The following FER variants were observed in gnomAD, a reference collection of about 807,000 sequenced individuals.
FER encodes FER tyrosine kinase, also known as tyrosine-protein kinase Fer.
In FER, 63 loss-of-function variants were observed where a neutral mutation model predicts 111.0. The observed-to-expected ratio is 0.57, with a 90% confidence interval of 0.46 to 0.70. The LOEUF (loss-of-function observed/expected upper bound fraction) is 0.70, where lower values mean the gene tolerates loss of function less well. Among genes scored for constraint, FER ranks in the 30% least tolerant of loss-of-function variants. FER has a pLI of 0.00. For synonymous variants in FER, 327 were observed against 313.9 expected, an observed-to-expected ratio of 1.04 and a Z score of -0.44; for missense variants, 914 against 954.0, an observed-to-expected ratio of 0.96 and a Z score of 0.55.
chr5:109,135,996 C>G (rs1026776124), intron 17 of FER, among the ~76,000 whole-genome samples: 2 of 152,140 alleles, frequency 1.3e-5, no homozygotes, highest in Non-Finnish European at 1.5e-5. Context: ...TGGCTCATGC[C>G]TGTAATCCCA....
At chr5:108,804,114 A>G (rs546687705) in intron 3 of FER, among the ~76,000 whole-genome samples, 2 of 151,992 alleles carry the variant, frequency 1.3e-5, no homozygotes, top group Non-Finnish European at 2.9e-5. Flanking sequence ...ATGGCATTGC[A>G]TTCTTGATTT....
At chr5:109,002,018 A>C (rs1764843787) in intron 13 of FER, among the ~76,000 whole-genome samples, 1 of 152,022 alleles carries the variant, frequency 6.6e-6, no homozygotes, top group Admixed American at 6.6e-5. Flanking sequence ...GGGTAGGAAG[A>C]ATCAATATCG....
At chr5:108,986,949 G>A (rs1762639777) in intron 13 of FER, among the ~76,000 whole-genome samples, 1 of 150,734 alleles carries the variant, frequency 6.6e-6, no homozygotes, top group Non-Finnish European at 1.5e-5. Flanking sequence ...TTCCATGTGA[G>A]TTTTAGGATT....
At chr5:108,899,613 A>C (rs1749707692) in intron 10 of FER, among the ~76,000 whole-genome samples, 1 of 151,726 alleles carries the variant, frequency 6.6e-6, no homozygotes, top group African/African-American at 2.4e-5. Flanking sequence ...CCTGGCCAAC[A>C]TGGTGAAACC....
chr5:109,065,609 A>G (rs1774996960), intron 16 of FER, among the ~76,000 whole-genome samples: 2 of 152,272 alleles, frequency 1.3e-5, no homozygotes, highest in East Asian at 3.9e-4. Flanking sequence ...TAATCCTAGC[A>G]CTTTGGGAGC....
chr5:109,054,157 G>A (rs1447798817), intron 16 of FER, among the ~76,000 whole-genome samples: 1 of 152,072 alleles, frequency 6.6e-6, no homozygotes, highest in African/African-American at 2.4e-5. Context: ...GCCTAGTAGT[G>A]GAATGAATCG....
chr5:109,079,226 T>G (rs761668278), intron 16 of FER, among the ~76,000 whole-genome samples: 1 of 152,130 alleles, frequency 6.6e-6, no homozygotes, highest in African/African-American at 2.4e-5. Context: ...TAAGATGCTG[T>G]GATTATGGAA....
At chr5:108,910,999 G>T (rs2150358182) in intron 10 of FER, among the ~76,000 whole-genome samples, 1 of 151,996 alleles carries the variant, frequency 6.6e-6, no homozygotes, top group South Asian at 2.1e-4. Flanking sequence ...GGGATTACTG[G>T]GTCAAATAGT....
chr5:109,035,033 C>CTTTT (rs554716544), intron 13 of FER, among the ~76,000 whole-genome samples: 37 of 119,656 alleles, frequency 3.1e-4, no homozygotes, highest in Non-Finnish European at 4.4e-4. Context: ...AGAAATTGAA[C>CTTTT]TTTTTTTTTT....
chr5:109,021,862 A>G (rs940174787), intron 13 of FER, among the ~76,000 whole-genome samples: 9 of 152,106 alleles, frequency 5.9e-5, no homozygotes, highest in African/African-American at 2.2e-4. Context: ...AAAATCCAAA[A>G]AATACCTACC....
chr5:109,093,631 A>G (rs938617695), intron 16 of FER, among the ~76,000 whole-genome samples: 23 of 152,268 alleles, frequency 1.5e-4, no homozygotes, highest in African/African-American at 4.8e-4. Flanking sequence ...GATACATTCA[A>G]TTTCAGAAAA....
chr5:109,180,660 TA>T (rs1403051757), intron 17 of FER, 86 bp from the exon 18 acceptor site: 1 of 1,429,032 alleles, frequency 7.0e-7, no homozygotes, highest in African/African-American at 1.4e-5. Flanking sequence ...ATTGCAAATG[TA>T]AAAATGCAAA....
intron 10 of FER, among the ~76,000 whole-genome samples, chr5:108,911,045 A>G (rs1004674465): frequency 2.6e-5 from 4 of 152,090 alleles, no homozygotes; most frequent in Admixed American, 2.6e-4. Flanking sequence ...AAAATTCTCC[A>G]TGTTGTTTTC....
rs79284586 is a variant in FER, at chr5:109,168,721, G to A, written c.2049-12026G>A. On this transcript the variant is annotated intron_variant, in intron 17 of 19. Transcript: ENST00000281092. ...TAAAATGACCATTTGATGTTTCACA[G>A]AATTTTAAAATCCTATGTCTTAGTT... 7.5e-3 allele frequency among the ~76,000 whole-genome samples: 1,141 copies of A among 152,258 alleles called. 15 individuals carry two copies. The highest frequency in any genetic ancestry group is 0.026 in the African/African-American group (1,079 of 41,550).
At chr5:109,096,741 G>A (rs1442396194) in intron 16 of FER, among the ~76,000 whole-genome samples, 2 of 151,728 alleles carry the variant, frequency 1.3e-5, no homozygotes. Context: ...AGCCAGTCTA[G>A]GACCACCCTT....
intron 13 of FER, among the ~76,000 whole-genome samples, chr5:108,969,797 T>C (rs549068200): frequency 6.7e-6 from 1 of 148,224 alleles, no homozygotes; most frequent in Admixed American, 6.6e-5. Flanking sequence ...TAAAATAGCA[T>C]TATGGTATTT....
intron 9 of FER, among the ~76,000 whole-genome samples, chr5:108,889,444 G>A (rs557186664): frequency 2.6e-5 from 4 of 151,880 alleles, no homozygotes; most frequent in African/African-American, 9.6e-5. Context: ...AATAAGCCAG[G>A]CACAGAAAGA....
At chr5:109,181,088 G>A (rs1736173088) in intron 18 of FER, among the ~76,000 whole-genome samples, 187 bp downstream of exon 18, 1 of 152,010 alleles carries the variant, frequency 6.6e-6, no homozygotes. Flanking sequence ...ATGTAACATT[G>A]CTATATTAAA....
intron 17 of FER, among the ~76,000 whole-genome samples, chr5:109,106,839 G>A (rs1748991990): frequency 6.6e-6 from 1 of 152,144 alleles, no homozygotes; most frequent in Admixed American, 6.6e-5. Context: ...CTTTATGTTA[G>A]CCAATTAACA....
Sources: gnomAD v4.1 joint callset for allele counts (sites outside exome capture counted in the v4.1 genomes callset) on GRCh38, gnomAD v4.1.1 for gene constraint, MANE v1.5 for transcripts, NCBI Gene and HGNC (gene_info 2026-07-23, HGNC 2026-07-21) for gene names.